INTS7: variants seen among roughly 807,000 people sequenced by gnomAD.
The protein encoded by INTS7 is integrator complex subunit 7.
Under a neutral mutation model 109.2 loss-of-function variants are expected in INTS7, and 46 were observed. The observed-to-expected ratio is 0.42, with a 90% CI of 0.33 to 0.54. INTS7 has a LOEUF of 0.54. Ranked by LOEUF, INTS7 falls within the 20% of genes least tolerant of loss-of-function variation. The pLI, the probability that INTS7 is intolerant of heterozygous loss-of-function variation, is 0.07. For synonymous variants in INTS7, 412 were observed against 402.9 expected (o/e 1.02, Z -0.27); for missense variants, 929 against 1,132.4 (o/e 0.82, Z 2.58).
In INTS7 at chr1:211,959,750, T is replaced by A. The variant is rs1319510178; in HGVS notation, c.2183+6680A>T. On this transcript the variant is annotated intron_variant, in intron 16 of 19. Coordinates refer to ENST00000366994, the MANE Select transcript of INTS7 (RefSeq NM_015434.4). This position sits in a 1 kb window ranked among gnomAD's most constrained non-coding sequence, Gnocchi z 4.2. ...CCTTCCCCTGCCCTAAGTGGCTACC[T>A]CCACCTACATAAGAGGGCACACACA... Among the ~76,000 whole-genome samples, 1 of 152,108 alleles carries A rather than the reference T, an allele frequency of 6.6e-6. No individual in the cohort carries two copies. Among genetic ancestry groups the A allele is most frequent in the African/African-American group, 2.4e-5 (1 of 41,414 alleles).
Position 211,952,716 on chromosome 1 carries a change from A to AAT in INTS7, c.2184-17_2184-16dup. The AAT allele has an allele frequency of 6.2e-7, 1 of 1,606,644 alleles. No homozygotes were observed. The highest frequency in any genetic ancestry group is 8.5e-7 in the Non-Finnish European group (1 of 1,174,814). On this transcript the variant is annotated splice_polypyrimidine_tract_variant and intron_variant, in intron 16 of 19. Transcript: ENST00000366994. Reference sequence around the variant, plus strand: ...ATTCCTGGAAACTGAAGTAAAGGTCAATATTCATTAATCCATCAAAATAGC... The same window carrying AAT: ...ATTCCTGGAAACTGAAGTAAAGGTCAATATATTCATTAATCCATCAAAATAGC...
At position 211,984,147 on chromosome 1, in the gene INTS7, G is replaced by A. The variant is rs1287465160; in HGVS notation, c.998-1337C>T. Among the ~76,000 whole-genome samples, 7 of 151,836 alleles carry A rather than the reference G, an allele frequency of 4.6e-5. No individual in the cohort carries two copies. In the East Asian group the frequency reaches 1.3e-3, roughly 29 times the overall value. ...TCCCAAAGTGTAAGCCACCATGCCTGGCCCCTTCAGTGTTTTTAAGTTAGG... is the reference window on the plus strand; with the variant it reads ...TCCCAAAGTGTAAGCCACCATGCCTAGCCCCTTCAGTGTTTTTAAGTTAGG... On this transcript the variant is annotated intron_variant, in intron 8 of 19. Transcript: ENST00000366994.
chr1:212,021,294 CTAGATAG>C, intron 1 of INTS7, 82 bp from the exon 2 acceptor site: 1 of 1,160,110 alleles, frequency 8.6e-7, no homozygotes, highest in South Asian at 1.6e-5. Flanking sequence ...ATATAATTTA[CTAGATAG>C]TAAAGAAATA....
At chr1:212,011,621 T>C (rs1666170360) in intron 4 of INTS7, 200 bp from the exon 5 acceptor site, 1 of 557,318 alleles carries the variant, frequency 1.8e-6, no homozygotes, top group Non-Finnish European at 3.2e-6. Context: ...AAATGGGCTA[T>C]GCCAACACTG....
chr1:212,026,696 T>G (rs1307899143), intron 1 of INTS7, among the ~76,000 whole-genome samples: 1 of 152,188 alleles, frequency 6.6e-6, no homozygotes, highest in East Asian at 1.9e-4. Flanking sequence ...GTATATGTGT[T>G]GGCAAAGGGG....
intron 17 of INTS7, among the ~76,000 whole-genome samples, chr1:211,947,641 G>A (rs1027490009): frequency 6.6e-6 from 1 of 152,148 alleles, no homozygotes; most frequent in African/African-American, 2.4e-5. Flanking sequence ...CAGATATTCT[G>A]CTCTGCCAGT....
In INTS7 at chr1:212,017,035, G is replaced by A. The variant is rs1666475952; in HGVS notation, c.372-12C>T. 6.4e-7 allele frequency: 1 copy of A among 1,558,996 alleles called. No homozygotes were observed. The highest frequency in any genetic ancestry group is 1.4e-5 in the African/African-American group (1 of 71,314). On this transcript the variant is annotated splice_polypyrimidine_tract_variant and intron_variant, in intron 3 of 19. Coordinates refer to ENST00000366994, the MANE Select transcript of INTS7 (RefSeq NM_015434.4). ...GACTTCCCAACATCCTACAGAAACA[G>A]AGAAACCCAAGAAGATCGGGCATAA...
intron 7 of INTS7, 48 bp from the exon 8 acceptor site, chr1:211,988,051 C>T: frequency 1.1e-6 from 1 of 895,894 alleles, no homozygotes; most frequent in Non-Finnish European, 1.8e-6. Flanking sequence ...CATCAATATA[C>T]TTCTAAACTG....
At chr1:211,966,228 C>T in intron 16 of INTS7, 1 of 379,534 alleles carries the variant, frequency 2.6e-6, no homozygotes, top group African/African-American at 2.1e-5. Flanking sequence ...GTTATCTTTC[C>T]ATGTTAACTT....
Position 211,942,203 on chromosome 1 carries a change from C to T in INTS7, c.2602-92G>A. 5 of 1,351,060 alleles carry T rather than the reference C, an allele frequency of 3.7e-6. No individual in the cohort carries two copies. The highest frequency in any genetic ancestry group is 5.1e-6 in the Non-Finnish European group (5 of 978,776). 83.7% of individuals were successfully genotyped at this position (1,351,060 alleles called of 1,614,324 possible). ...GCCCTGTTCTAAGAGCTTATTTAGA[C>T]CATGCAGACAATAAAAAATTAGGTA... On this transcript the variant is annotated intron_variant, in intron 19 of 19. Coordinates refer to ENST00000366994, the MANE Select transcript of INTS7 (RefSeq NM_015434.4). The surrounding 1 kb of genome is among the most constrained non-coding windows in gnomAD (Gnocchi z 4.2).
intron 3 of INTS7, among the ~76,000 whole-genome samples, chr1:212,019,445 G>C (rs1179270486): frequency 1.3e-5 from 2 of 152,132 alleles, no homozygotes; most frequent in Non-Finnish European, 2.9e-5. Context: ...ACTCAGGGAA[G>C]ATGTGACATC....
intron 7 of INTS7, among the ~76,000 whole-genome samples, chr1:212,006,419 G>C (rs1046282127): frequency 1.3e-5 from 2 of 152,114 alleles, no homozygotes; most frequent in Non-Finnish European, 2.9e-5. Context: ...CAACTGAGTG[G>C]CAAGTTTCAC....
chr1:212,026,278 C>T (rs953208083), intron 1 of INTS7, among the ~76,000 whole-genome samples: 6 of 152,218 alleles, frequency 3.9e-5, no homozygotes, highest in African/African-American at 1.4e-4. Context: ...TTCCGTAATG[C>T]ACTCATGTTA....
intron 7 of INTS7, 86 bp from the exon 8 acceptor site, chr1:211,988,089 T>G: frequency 1.5e-6 from 1 of 663,774 alleles, no homozygotes. Flanking sequence ...TTCTGGCTTT[T>G]AGAAAAATTA....
chr1:212,021,105 A>C lies in INTS7; in HGVS notation c.202T>G (p.Leu68Val). ...PILINSAFLK[L>V]ADVFRVGNNF... ...TACCCAACTCTGAAAACATCAGCTA[A>C]CTTTAGGAATGCAGAATTGATAAGA... is the stretch of plus-strand genomic sequence containing the variant. The change falls in exon 2 of 20, where the codon TTA (leucine) becomes GTA (valine). Residue 68 changes from leucine to valine, a missense_variant. Around this residue, in one of 2 missense-constraint regions of INTS7, gnomAD observed 142 missense variants for 231.4 expected, o/e 0.61. Coordinates refer to ENST00000366994, the MANE Select transcript of INTS7 (RefSeq NM_015434.4). The C allele has an allele frequency of 1.2e-6, 2 of 1,606,660 alleles. No homozygotes were observed. Among genetic ancestry groups the C allele is most frequent in the Non-Finnish European group, 1.7e-6 (2 of 1,177,400 alleles).
rs768030575 is a variant in INTS7, at chr1:211,941,973, T to C, written c.2740A>G (p.Asn914Asp). ...GGACCAGTCTTCCATACTATACCAT[T>C]GGCATCTTTCACAGAAGATTCCACT... ...ITVESSVKDA[N>D]GIVWKTGPRT... The change falls in exon 20 of 20, where the codon AAT becomes GAT. Residue 914 changes from asparagine (N) to aspartate (D), a missense_variant. Around this residue, in one of 2 missense-constraint regions of INTS7, gnomAD observed 787 missense variants for 901.1 expected, o/e 0.87. Coordinates refer to ENST00000366994, the MANE Select transcript of INTS7 (RefSeq NM_015434.4). The C allele has an allele frequency of 4.3e-6, 7 of 1,614,222 alleles. No individual in the cohort carries two copies. The highest frequency in any genetic ancestry group is 5.9e-6 in the Non-Finnish European group (7 of 1,180,036).
intron 4 of INTS7, among the ~76,000 whole-genome samples, chr1:212,013,595 C>A (rs1666259382): frequency 6.6e-6 from 1 of 152,216 alleles, no homozygotes. Flanking sequence ...CTTTCACATT[C>A]ATTTATCACT....
At position 212,011,356 on chromosome 1, in the gene INTS7, C is replaced by T. The variant is rs958442584; in HGVS notation, c.556+19G>A. The T allele has an allele frequency of 1.5e-6, 2 of 1,375,694 alleles. No individual in the cohort carries two copies. Among genetic ancestry groups the T allele is most frequent in the African/African-American group, 2.9e-5 (2 of 69,248 alleles). The allele number at this position is 1,375,694 out of a possible 1,614,324, so 85.2% of individuals were successfully genotyped here. On this transcript the variant is annotated intron_variant, in intron 5 of 19. Coordinates refer to ENST00000366994, the MANE Select transcript of INTS7 (RefSeq NM_015434.4). ...AATCTAATTAAGTCACTTCATAATACTAAATGAAGAATACATACCTTGAAT... is the reference window on the plus strand; with the variant it reads ...AATCTAATTAAGTCACTTCATAATATTAAATGAAGAATACATACCTTGAAT...
chr1:212,000,398 T>C (rs1017132618), intron 7 of INTS7, among the ~76,000 whole-genome samples: 1 of 152,200 alleles, frequency 6.6e-6, no homozygotes, highest in Non-Finnish European at 1.5e-5. Flanking sequence ...TAAAGTTGTA[T>C]CTTCAGAAAC....
Sources: gnomAD v4.1 joint callset for allele counts (sites outside exome capture counted in the v4.1 genomes callset) on GRCh38, gnomAD v4.1.1 for gene constraint, gnomAD v4.1.1 regional missense constraint, Gnocchi (gnomAD v3.1) non-coding constraint, MANE v1.5 for transcripts, NCBI Gene and HGNC (gene_info 2026-07-23, HGNC 2026-07-21) for gene names.